The following EHBP1 variants were observed in gnomAD, a reference collection of about 807,000 sequenced individuals.
The protein encoded by EHBP1 is EH domain-binding protein 1.
Under a neutral mutation model 144.0 loss-of-function variants are expected in EHBP1, and 55 were observed. The observed-to-expected ratio is 0.38, with a 90% CI of 0.31 to 0.48. EHBP1 has a LOEUF of 0.48. EHBP1 is among the 20% of genes least tolerant of loss of function. The pLI, the probability that EHBP1 is intolerant of heterozygous loss-of-function variation, is 0.98. For synonymous variants in EHBP1, 469 were observed against 472.7 expected (o/e 0.99, Z 0.10); for missense variants, 1,200 against 1,364.2 (o/e 0.88, Z 1.90).
chr2:62,963,323 C>T (rs1430858048), intron 14 of EHBP1, among the ~76,000 whole-genome samples: 1 of 152,152 alleles, frequency 6.6e-6, no homozygotes, highest in Admixed American at 6.5e-5. Flanking sequence ...TGGCACTAGT[C>T]TGTCATGCCG....
intron 5 of EHBP1, among the ~76,000 whole-genome samples, chr2:62,823,886 G>A (rs1159048530): frequency 2.0e-5 from 3 of 151,954 alleles, no homozygotes; most frequent in African/African-American, 7.2e-5. Flanking sequence ...GGATATCATA[G>A]ACTAAAAAGA....
intron 15 of EHBP1, among the ~76,000 whole-genome samples, chr2:62,981,782 A>G (rs1303899117): frequency 6.6e-6 from 1 of 152,210 alleles, no homozygotes; most frequent in Non-Finnish European, 1.5e-5. Flanking sequence ...TGGCAAGGAA[A>G]TGGAGACTAG....
chr2:63,010,241 A>AT (rs1203860986), intron 19 of EHBP1, among the ~76,000 whole-genome samples: 1 of 151,474 alleles, frequency 6.6e-6, no homozygotes, highest in African/African-American at 2.4e-5. Context: ...TAGTTTACTG[A>AT]TAAAAACACT....
chr2:62,895,278 T>TATCATCATCATCATC lies in EHBP1; in HGVS notation c.1185+20774_1185+20788dup, dbSNP rs10700628. Among the ~76,000 whole-genome samples the TATCATCATCATCATC allele has an allele frequency of 3.7e-4, 56 of 149,802 alleles. 2 individuals are homozygous for TATCATCATCATCATC. The East Asian group carries it at 9.4e-3, about 25-fold the overall frequency. On this transcript the variant is annotated intron_variant, in intron 10 of 22. Transcript: ENST00000431489. ...GATGCATTTTACTGTATGTAAATTCTATCATCATCATCATCATCATCATCA... is the reference window on the plus strand; with the variant it reads ...GATGCATTTTACTGTATGTAAATTCTATCATCATCATCATCATCATCATCATCATCATCATCATCA...
intron 3 of EHBP1, among the ~76,000 whole-genome samples, chr2:62,760,719 C>A (rs1181330214): frequency 1.3e-5 from 2 of 152,180 alleles, no homozygotes; most frequent in African/African-American, 2.4e-5. Flanking sequence ...TTCTTGACTA[C>A]CATGCAAATC....
chr2:62,688,234 A>G (rs1223393154), intron 1 of EHBP1, among the ~76,000 whole-genome samples: 3 of 152,192 alleles, frequency 2.0e-5, no homozygotes, highest in Non-Finnish European at 4.4e-5. Flanking sequence ...TACAGTTTGT[A>G]AATTTAATCA....
At chr2:62,781,087 G>A (rs1217450877) in intron 5 of EHBP1, among the ~76,000 whole-genome samples, 1 of 152,134 alleles carries the variant, frequency 6.6e-6, no homozygotes, top group African/African-American at 2.4e-5. Flanking sequence ...TGAAAAAGGT[G>A]TGGTCTCTGA....
At chr2:62,767,827 C>T (rs1255937123) in intron 4 of EHBP1, among the ~76,000 whole-genome samples, 1 of 125,896 alleles carries the variant, frequency 7.9e-6, no homozygotes, top group Admixed American at 8.5e-5. Flanking sequence ...CAGAGCAAGA[C>T]TCTGTCAAAA....
chr2:62,940,099 C>A, intron 10 of EHBP1: 1 of 429,960 alleles, frequency 2.3e-6, no homozygotes, highest in South Asian at 1.8e-5. Context: ...GTTGGGATGC[C>A]TACCAAGACT....
intron 9 of EHBP1, among the ~76,000 whole-genome samples, chr2:62,872,628 T>C (rs376276108): frequency 2.0e-5 from 3 of 152,270 alleles, no homozygotes; most frequent in South Asian, 4.1e-4. Flanking sequence ...TTATACACTT[T>C]AAAATTTACA....
At chr2:62,890,203 T>C (rs1046752090) in intron 10 of EHBP1, among the ~76,000 whole-genome samples, 1 of 152,142 alleles carries the variant, frequency 6.6e-6, no homozygotes, top group African/African-American at 2.4e-5. Context: ...CCCAAAGTGC[T>C]GGAATTACAA....
At chr2:62,997,091 G>C (rs62179352) in intron 19 of EHBP1, among the ~76,000 whole-genome samples, 1 of 151,844 alleles carries the variant, frequency 6.6e-6, no homozygotes, top group African/African-American at 2.4e-5. Flanking sequence ...CTGATTCATT[G>C]GGGAAAAAAA....
At chr2:62,734,742 T>G (rs916395198) in intron 2 of EHBP1, among the ~76,000 whole-genome samples, 3 of 152,136 alleles carry the variant, frequency 2.0e-5, no homozygotes, top group African/African-American at 7.2e-5. Context: ...TTTTCTGTCT[T>G]TTGTGTATGT....
chr2:62,821,626 G>A (rs2045987514), intron 5 of EHBP1, among the ~76,000 whole-genome samples: 1 of 152,204 alleles, frequency 6.6e-6, no homozygotes, highest in South Asian at 2.1e-4. Context: ...GCTGCAGTGA[G>A]CTGTTTTTGC....
intron 2 of EHBP1, among the ~76,000 whole-genome samples, chr2:62,718,943 G>A (rs1490874568): frequency 6.6e-6 from 1 of 151,578 alleles, no homozygotes; most frequent in Admixed American, 6.6e-5. Flanking sequence ...TAAGCAAAGA[G>A]TGTTGAGAGA....
At chr2:62,833,784 G>A (rs2047004891) in intron 7 of EHBP1, among the ~76,000 whole-genome samples, 1 of 152,182 alleles carries the variant, frequency 6.6e-6, no homozygotes, top group Non-Finnish European at 1.5e-5. Context: ...ATTTTATAAG[G>A]TGTAGCTGTC....
chr2:62,808,792 A>G (rs1432837186), intron 5 of EHBP1, among the ~76,000 whole-genome samples: 5 of 152,098 alleles, frequency 3.3e-5, no homozygotes, highest in African/African-American at 1.2e-4. Context: ...TATTCCTATG[A>G]TTAGGTTTCA....
Position 63,010,805 on chromosome 2 carries a change from C to G in EHBP1, c.3103+14039C>G, listed in dbSNP as rs2060231440. ...ACATTATACGTTCATTCCAATATGT[C>G]TTAAAATCCTTAGTAGGATTATTAA... On this transcript the variant is annotated intron_variant, in intron 19 of 22. Transcript: ENST00000431489. Among the ~76,000 whole-genome samples, 10 of 151,588 alleles carry G rather than the reference C, an allele frequency of 6.6e-5. No homozygotes were observed. In the South Asian group the frequency reaches 1.9e-3, roughly 28 times the overall value.
intron 10 of EHBP1, among the ~76,000 whole-genome samples, chr2:62,932,972 G>T (rs548870361): frequency 6.7e-6 from 1 of 149,958 alleles, no homozygotes; most frequent in Non-Finnish European, 1.5e-5. Context: ...AAAAAAAAAG[G>T]TTAAGATGGT....
Sources: gnomAD v4.1 joint callset for allele counts (sites outside exome capture counted in the v4.1 genomes callset) on GRCh38, gnomAD v4.1.1 for gene constraint, MANE v1.5 for transcripts, NCBI Gene and HGNC (gene_info 2026-07-23, HGNC 2026-07-21) for gene names.